Variants in HM13 observed in about 807,000 individuals in gnomAD.
HM13 encodes signal peptide peptidase.
In HM13, 18 loss-of-function variants were observed where a neutral mutation model predicts 50.0. The ratio of observed to expected loss-of-function variants is 0.36; its 90% confidence interval spans 0.25 to 0.53. The LOEUF (loss-of-function observed/expected upper bound fraction) is 0.53, where lower values mean the gene tolerates loss of function less well. HM13 is among the 20% of genes least tolerant of loss of function. HM13 has a pLI of 0.90. For missense variants in HM13, 393 were observed against 552.4 expected (o/e 0.71, Z 2.89); for synonymous variants, 197 against 232.6 (o/e 0.85, Z 1.39).
chr20:31,557,891 G>A (rs939110183), intron 8 of HM13, among the ~76,000 whole-genome samples: 13 of 152,094 alleles, frequency 8.5e-5, no homozygotes, highest in Non-Finnish European at 1.9e-4. Flanking sequence ...ATTTTTAGTA[G>A]AGACGGGGTT....
intron 3 of HM13, chr20:31,539,373 G>A (rs1032337964): frequency 1.0e-6 from 1 of 985,368 alleles, no homozygotes; most frequent in African/African-American, 1.7e-5. Flanking sequence ...CAGAAGGAAG[G>A]AACTCACCTT....
chr20:31,540,287 T>G (rs1197134356), intron 3 of HM13: 1 of 152,298 alleles, frequency 6.6e-6, no homozygotes, highest in African/African-American at 2.4e-5. Context: ...CAGTCGCCCT[T>G]GCTCACAGGA....
chr20:31,524,248 A>T (rs892223742), intron 1 of HM13, among the ~76,000 whole-genome samples: 2 of 146,804 alleles, frequency 1.4e-5, no homozygotes. Flanking sequence ...ACTTTTCTTT[A>T]AAAAAAAAAG....
chr20:31,569,053 C>A, intron 12 of HM13, 67 bp from the exon 13 acceptor site: 1 of 1,144,116 alleles, frequency 8.7e-7, no homozygotes, highest in Non-Finnish European at 1.3e-6. Flanking sequence ...GGGAAGGGGA[C>A]AACCAAGGTT....
chr20:31,526,945 A>T (rs537444320), intron 1 of HM13, among the ~76,000 whole-genome samples: 108 of 152,308 alleles, frequency 7.1e-4, no homozygotes, highest in African/African-American at 2.5e-3. Context: ...CAGTTATTCC[A>T]TACTGGAATG....
intron 2 of HM13, among the ~76,000 whole-genome samples, chr20:31,536,040 C>A (rs1293829845): frequency 6.6e-6 from 1 of 152,094 alleles, no homozygotes; most frequent in Non-Finnish European, 1.5e-5. Context: ...TATCCAGCCC[C>A]TTCACACGTC....
chr20:31,551,280 A>G (rs1984022359), intron 7 of HM13, among the ~76,000 whole-genome samples: 1 of 152,136 alleles, frequency 6.6e-6, no homozygotes, highest in Non-Finnish European at 1.5e-5. Flanking sequence ...CTCTTCACCA[A>G]GAGCCAAGGT....
At chr20:31,546,771 G>T (rs1280190761) in intron 4 of HM13, among the ~76,000 whole-genome samples, 1 of 134,606 alleles carries the variant, frequency 7.4e-6, no homozygotes, top group African/African-American at 3.0e-5. Context: ...AAAAAAAAAA[G>T]ACTAAGCTTG....
intron 6 of HM13, 42 bp from the exon 7 acceptor site, chr20:31,550,022 C>T: frequency 1.4e-6 from 2 of 1,447,150 alleles, no homozygotes; most frequent in Non-Finnish European, 1.9e-6. Flanking sequence ...CCCCCCACAG[C>T]CCCTCACTTC....
chr20:31,541,619 A>G (rs895667528), intron 3 of HM13: 22 of 152,388 alleles, frequency 1.4e-4, no homozygotes, highest in African/African-American at 5.0e-4. Flanking sequence ...TCATTATTGT[A>G]AAATTAACAT....
rs1304743071 is a variant in HM13 at position 31,561,664 on chromosome 20, C to T, written c.876C>T (p.Tyr292=). 3.1e-6 allele frequency: 5 copies of T among 1,613,778 alleles called. No homozygotes were observed. Among genetic ancestry groups the T allele is most frequent in the Non-Finnish European group, 4.2e-6 (5 of 1,179,594 alleles). Residue 292 remains tyrosine (Y), a synonymous_variant, in exon 10 of 13, where the codon TAC becomes TAT. Coordinates refer to ENST00000398174, the MANE Select transcript of HM13 (RefSeq NM_178581.3). ...AGAAGAATACCCACACCTACTTCTA[C>T]ACCAGCTTTGCAGCCTACATCTTCG... ...SLKKNTHTYF[Y]TSFAAYIFGL... is the part of the protein sequence containing the mutation.
chr20:31,569,045 G>T, intron 12 of HM13, 75 bp from the exon 13 acceptor site: 1 of 1,039,252 alleles, frequency 9.6e-7, no homozygotes. Flanking sequence ...GGGGGTGGGG[G>T]AAGGGGACAA....
intron 7 of HM13, 83 bp downstream of exon 7, chr20:31,550,204 C>T (rs549399672): frequency 2.2e-4 from 208 of 955,326 alleles, no homozygotes; most frequent in Admixed American, 6.0e-4. Context: ...GTCAGTGCAT[C>T]TCCCTATCTC....
chr20:31,563,333 C>A (rs1010260927), intron 10 of HM13: 1 of 152,230 alleles, frequency 6.6e-6, no homozygotes, highest in Non-Finnish European at 1.5e-5. Flanking sequence ...CACAGGTAGT[C>A]CCAGTGCTAG....
intron 7 of HM13, 69 bp from the exon 8 acceptor site, chr20:31,554,677 G>A (rs149062213): frequency 0.037 from 47,730 of 1,303,450 alleles, 1,641 homozygotes; most frequent in African/African-American, 0.16. Context: ...GCGAGACTCC[G>A]TCTCAAAAAA....
intron 1 of HM13, among the ~76,000 whole-genome samples, chr20:31,518,570 C>T (rs751782243): frequency 1.5e-4 from 22 of 151,540 alleles, no homozygotes; most frequent in African/African-American, 2.9e-4. Context: ...CGCTTGAACC[C>T]GGGAGGCACA....
At chr20:31,526,554 G>C (rs1308260137) in intron 1 of HM13, among the ~76,000 whole-genome samples, 1 of 152,068 alleles carries the variant, frequency 6.6e-6, no homozygotes, top group Non-Finnish European at 1.5e-5. Flanking sequence ...AAATTATTTT[G>C]ATTGCATTCA....
intron 2 of HM13, among the ~76,000 whole-genome samples, chr20:31,536,371 G>A (rs1983107048): frequency 6.6e-6 from 1 of 151,934 alleles, no homozygotes; most frequent in African/African-American, 2.4e-5. Flanking sequence ...CTCGGGGAGG[G>A]TGGGGGTCAG....
chr20:31,523,129 C>T (rs1369658316), intron 1 of HM13, among the ~76,000 whole-genome samples: 3 of 151,204 alleles, frequency 2.0e-5, no homozygotes, highest in Admixed American at 1.3e-4. Flanking sequence ...CCACTCACTA[C>T]GGCCTCCACC....
Sources: allele counts gnomAD v4.1 joint callset (sites outside exome capture counted in the v4.1 genomes callset), GRCh38; gene constraint gnomAD v4.1.1; transcripts MANE v1.5; gene names NCBI Gene and HGNC (gene_info 2026-07-23, HGNC 2026-07-21).